The following LIPG variants were observed in gnomAD, a reference collection of about 807,000 sequenced individuals.
The protein encoded by LIPG is lipase G, endothelial type, also known as endothelial lipase.
LIPG carries 34 observed loss-of-function variants against 51.8 expected under a neutral mutation model. The observed-to-expected ratio is 0.66, with a 90% confidence interval of 0.50 to 0.87. The LOEUF is 0.87. LIPG is among the 40% of genes least tolerant of loss of function. The pLI is 0.00. For synonymous variants in LIPG, 246 were observed against 246.1 expected, an observed-to-expected ratio of 1.00 and a Z score of 0.00; for missense variants, 580 against 652.7, an observed-to-expected ratio of 0.89 and a Z score of 1.21.
intron 5 of LIPG, among the ~76,000 whole-genome samples, chr18:49,578,549 A>G (rs1735089266): frequency 6.9e-6 from 1 of 144,736 alleles, no homozygotes; most frequent in Admixed American, 6.8e-5. Flanking sequence ...CTGGGCAGCC[A>G]GGCAGAGGGG....
At chr18:49,586,148 G>A (rs1476854528) in intron 8 of LIPG, among the ~76,000 whole-genome samples, 1 of 152,168 alleles carries the variant, frequency 6.6e-6, no homozygotes, top group African/African-American at 2.4e-5. Context: ...GGTCTTGGCT[G>A]TCCATTTGCT....
chr18:49,586,300 A>G (rs988309054), intron 8 of LIPG, among the ~76,000 whole-genome samples: 1 of 152,370 alleles, frequency 6.6e-6, no homozygotes, highest in South Asian at 2.1e-4. Flanking sequence ...GCAGTTTCAC[A>G]TAGGGCATAA....
At chr18:49,581,864 A>G (rs925150714) in intron 6 of LIPG, 3 of 645,110 alleles carry the variant, frequency 4.7e-6, no homozygotes, top group African/African-American at 1.8e-5. Flanking sequence ...TGATGTGGCT[A>G]TCAGTCCATG....
intron 1 of LIPG, 63 bp downstream of exon 1, chr18:49,562,468 C>A: frequency 7.2e-7 from 1 of 1,395,850 alleles, no homozygotes; most frequent in Non-Finnish European, 1.0e-6. Flanking sequence ...CTCTGTCTTG[C>A]TGATTCTTCA....
At position 49,591,532 on chromosome 18, in the gene LIPG, CAT is replaced by C. The variant is rs1227253493; in HGVS notation, c.*1013_*1014del. 1 of 152,142 alleles carries C rather than the reference CAT, an allele frequency of 6.6e-6. No individual in the cohort carries two copies. The highest frequency in any genetic ancestry group is 1.5e-5 in the Non-Finnish European group (1 of 68,036). The allele number at this position is 152,142 out of a possible 1,614,324, so 9.4% of individuals were successfully genotyped here. On this transcript the variant is annotated 3_prime_UTR_variant, in exon 10 of 10. Transcript: ENST00000261292. ...CTGTTTAGAGAGATAGAAGTTATGA[CAT>C]ATGTAATACACATCTGTGTACACAG...
rs936317961 is a variant in LIPG, at chr18:49,578,736, G to T, written c.794-2679G>T. On this transcript the variant is annotated intron_variant, in intron 5 of 9. Coordinates refer to ENST00000261292, the MANE Select transcript of LIPG (RefSeq NM_006033.4). ...ACTGCACTCCAGCCTGGGCACCATT[G>T]AGCACTGAGTGAAGGAGACTCCGTC... 7.0e-4 allele frequency among the ~76,000 whole-genome samples: 106 copies of T among 150,910 alleles called. 1 individual carries two copies. The highest frequency in any genetic ancestry group is 2.4e-3 in the African/African-American group (98 of 40,976).
At position 49,591,121 on chromosome 18, in the gene LIPG, A is replaced by G. The variant is rs904430045; in HGVS notation, c.*599A>G. The G allele has an allele frequency of 1.2e-5, 2 of 164,324 alleles. No homozygotes were observed. The highest frequency in any genetic ancestry group is 1.1e-4 in the Admixed American group (2 of 18,024). 10.2% of individuals were successfully genotyped at this position (164,324 alleles called of 1,614,324 possible). Reference sequence around the variant, plus strand: ...CATTGGCTTTCCTATTTTTCTGTTCATTTTTTAATTGAGCAAATGTCTATT... The same window carrying G: ...CATTGGCTTTCCTATTTTTCTGTTCGTTTTTTAATTGAGCAAATGTCTATT... On this transcript the variant is annotated 3_prime_UTR_variant, in exon 10 of 10. Transcript: ENST00000261292.
At chr18:49,589,131 T>C (rs564036093) in intron 9 of LIPG, among the ~76,000 whole-genome samples, 30 of 152,240 alleles carry the variant, frequency 2.0e-4, no homozygotes, top group Admixed American at 9.8e-4. Context: ...CTCGCGTCTG[T>C]CTGGGTATCA....
intron 3 of LIPG, among the ~76,000 whole-genome samples, chr18:49,568,839 G>T (rs937198869): frequency 3.3e-5 from 5 of 152,136 alleles, no homozygotes; most frequent in African/African-American, 4.8e-5. Flanking sequence ...CAGAATTCTG[G>T]TCAGGATTCT....
intron 5 of LIPG, among the ~76,000 whole-genome samples, chr18:49,576,185 A>G (rs2084713897): frequency 6.6e-6 from 1 of 152,148 alleles, no homozygotes; most frequent in Non-Finnish European, 1.5e-5. Flanking sequence ...TTGTTGAACA[A>G]GAAATCAAGC....
At position 49,575,400 on chromosome 18, in the gene LIPG, G is replaced by C. The variant is rs768255956; in HGVS notation, c.603G>C (p.Gly201=). 30 of 1,613,216 alleles carry C rather than the reference G, an allele frequency of 1.9e-5. No homozygotes were observed. The East Asian group carries it at 6.2e-4, about 34-fold the overall frequency. ...GLDPAGPMFE[G]ADIHKRLSPD... is the part of the protein sequence containing the mutation. The stretch of plus-strand genomic sequence containing the variant: ...ATCCTGCCGGGCCCATGTTTGAAGG[G>C]GCCGACATCCACAAGAGGCTCTCTC... The change falls in exon 5 of 10, where the codon GGG becomes GGC. Residue 201 remains glycine, a synonymous_variant. Coordinates refer to ENST00000261292, the MANE Select transcript of LIPG (RefSeq NM_006033.4).
intron 4 of LIPG, among the ~76,000 whole-genome samples, chr18:49,572,644 T>C (rs2084675579): frequency 6.8e-6 from 1 of 147,644 alleles, no homozygotes; most frequent in Non-Finnish European, 1.5e-5. Context: ...GGTGGGAGAA[T>C]CACCTGAGCC....
Position 49,565,509 on chromosome 18 carries a change from G to A in LIPG, c.279+11G>A. On this transcript the variant is annotated intron_variant, in intron 2 of 9. Transcript: ENST00000261292. ...ATTCACGGATGGACGGTGAGCCCGG[G>A]GAGGGAGCTCTGCGGCTTTATATAA... 6.2e-7 allele frequency: 1 copy of A among 1,614,168 alleles called. No individual in the cohort carries two copies. The highest frequency in any genetic ancestry group is 8.5e-7 in the Non-Finnish European group (1 of 1,179,994).
At chr18:49,588,032 C>T (rs1476455409) in intron 9 of LIPG, among the ~76,000 whole-genome samples, 4 of 152,102 alleles carry the variant, frequency 2.6e-5, no homozygotes, top group East Asian at 3.9e-4. Context: ...TCAAGTGATC[C>T]GCCTGCCTTG....
chr18:49,578,954 T>C (rs1400224155), intron 5 of LIPG, among the ~76,000 whole-genome samples: 2 of 134,844 alleles, frequency 1.5e-5, no homozygotes, highest in East Asian at 2.2e-4. Flanking sequence ...TGAGCCGAGA[T>C]GGCAGCAGTA....
intron 1 of LIPG, among the ~76,000 whole-genome samples, chr18:49,564,911 G>C (rs1455929935): frequency 2.0e-5 from 3 of 152,210 alleles, no homozygotes; most frequent in Admixed American, 6.5e-5. Context: ...TATGGTGTAT[G>C]CTCCATGATG....
chr18:49,597,725 C>G lies in LIPG; in HGVS notation c.*7203C>G, dbSNP rs763116943. 6.6e-6 allele frequency: 1 copy of G among 152,168 alleles called. No individual in the cohort carries two copies. The highest frequency in any genetic ancestry group is 2.4e-5 in the African/African-American group (1 of 41,414). 9.4% of individuals were successfully genotyped at this position (152,168 alleles called of 1,614,324 possible). A position where few individuals can be genotyped will look rare whatever the true frequency, so the allele number is the denominator to read the frequency against. On this transcript the variant is annotated 3_prime_UTR_variant, in exon 10 of 10. Transcript: ENST00000261292. ...CATTTGCTAATTATCTCAGCCCAGA[C>G]GAGTCTGCACGCTATGTGGTTTAAT...
At chr18:49,573,579 CAAAAAAA>C (rs35007833) in intron 4 of LIPG, among the ~76,000 whole-genome samples, 1,914 of 115,354 alleles carry the variant, frequency 0.017, 23 homozygotes, top group Middle Eastern at 0.066. Context: ...GATTCCAACT[CAAAAAAA>C]AAAAAAGAAA....
In LIPG at chr18:49,592,015, G is replaced by C. The variant is rs2084950351; in HGVS notation, c.*1493G>C. ...TATAGAGCCATCCATAAAATCCTAA[G>C]CCCTTTTATTAATGTATAACCAGGA... On this transcript the variant is annotated 3_prime_UTR_variant, in exon 10 of 10. Transcript: ENST00000261292. 1 of 151,920 alleles carries C rather than the reference G, an allele frequency of 6.6e-6. No homozygotes were observed. The highest frequency in any genetic ancestry group is 2.1e-4 in the South Asian group (1 of 4,824). 9.4% of individuals were successfully genotyped at this position (151,920 alleles called of 1,614,324 possible). A position where few individuals can be genotyped will look rare whatever the true frequency, so the allele number is the denominator to read the frequency against.
Sources: allele counts gnomAD v4.1 joint callset (sites outside exome capture counted in the v4.1 genomes callset), GRCh38; gene constraint gnomAD v4.1.1; transcripts MANE v1.5; gene names NCBI Gene and HGNC (gene_info 2026-07-23, HGNC 2026-07-21).